The following ALKBH5 variants were observed in gnomAD, a reference collection of about 807,000 sequenced individuals.
ALKBH5 encodes the protein alkB homolog 5, RNA demethylase.
In ALKBH5, 2 loss-of-function variants were observed where a neutral mutation model predicts 32.1. That is an observed-to-expected ratio of 0.06 (90% CI 0.03 to 0.20). ALKBH5 has a LOEUF of 0.20. Ranked by LOEUF, ALKBH5 falls within the 10% of genes least tolerant of loss-of-function variation. The pLI, the probability that ALKBH5 is intolerant of heterozygous loss-of-function variation, is 1.00. For synonymous variants in ALKBH5, 300 were observed against 231.7 expected (o/e 1.29, Z -2.68); for missense variants, 352 against 559.5 (o/e 0.63, Z 3.74).
chr17:18,196,887 A>G (rs1597839252), intron 2 of ALKBH5, among the ~76,000 whole-genome samples: 1 of 152,218 alleles, frequency 6.6e-6, no homozygotes, highest in Non-Finnish European at 1.5e-5. Context: ...TCAATCATTT[A>G]TTTATATAAG....
intron 1 of ALKBH5, among the ~76,000 whole-genome samples, chr17:18,194,524 A>C (rs2047195261): frequency 6.6e-6 from 1 of 152,192 alleles, no homozygotes; most frequent in Non-Finnish European, 1.5e-5. Context: ...GACTTCATGT[A>C]GATATTCTAT....
chr17:18,196,738 T>C (rs1015147031), intron 2 of ALKBH5, among the ~76,000 whole-genome samples: 1 of 152,194 alleles, frequency 6.6e-6, no homozygotes, highest in Non-Finnish European at 1.5e-5. Flanking sequence ...GTCCATACTG[T>C]ACCCTTAGGA....
At chr17:18,192,838 C>T (rs2047184484) in intron 1 of ALKBH5, among the ~76,000 whole-genome samples, 2 of 150,236 alleles carry the variant, frequency 1.3e-5, no homozygotes, top group East Asian at 1.9e-4. Context: ...TGTAGACATT[C>T]GTCCACTGTC....
intron 1 of ALKBH5, 84 bp downstream of exon 1, chr17:18,185,097 G>A (rs2047130112): frequency 6.5e-6 from 10 of 1,528,354 alleles, no homozygotes; most frequent in South Asian, 2.5e-5. Context: ...GCCCGTAGGA[G>A]TCTGCGTTTT....
chr17:18,184,142 A>G lies in ALKBH5; in HGVS notation c.-102A>G, dbSNP rs2047119720. On this transcript the variant is annotated 5_prime_UTR_variant, in exon 1 of 4. The change abolishes the stop of an existing upstream ORF in the 5' untranslated region. Coordinates refer to ENST00000399138, the MANE Select transcript of ALKBH5 (RefSeq NM_017758.4). ...CACTCACGCATGGGGGTTCGGCGCTAAGGACCCCCCTCCCTCCGGGGGCCC... is the reference window on the plus strand; with the variant it reads ...CACTCACGCATGGGGGTTCGGCGCTGAGGACCCCCCTCCCTCCGGGGGCCC... 3.7e-6 allele frequency: 4 copies of G among 1,073,522 alleles called. No homozygotes were observed. Among genetic ancestry groups the G allele is most frequent in the Non-Finnish European group, 5.3e-6 (4 of 757,244 alleles). 66.5% of individuals were successfully genotyped at this position (1,073,522 alleles called of 1,614,324 possible).
rs1161756861 is a variant in ALKBH5, at chr17:18,208,463, G to C, written c.*67G>C. 5 of 1,579,320 alleles carry C rather than the reference G, an allele frequency of 3.2e-6. No homozygotes were observed. The highest frequency in any genetic ancestry group is 1.4e-5 in the African/African-American group (1 of 72,934). On this transcript the variant is annotated 3_prime_UTR_variant, in exon 4 of 4. Coordinates refer to ENST00000399138, the MANE Select transcript of ALKBH5 (RefSeq NM_017758.4). Reference sequence around the variant, plus strand: ...GTAGTTGCCCCTCCTTTTGTTTTGAGGGTTTTGTTTTTGTTCATTGGGGGG... The same window carrying C: ...GTAGTTGCCCCTCCTTTTGTTTTGACGGTTTTGTTTTTGTTCATTGGGGGG...
chr17:18,184,789 C>T lies in ALKBH5; in HGVS notation c.546C>T (p.Ile182=), dbSNP rs199625577. 4 of 1,614,062 alleles carry T rather than the reference C, an allele frequency of 2.5e-6. No homozygotes were observed. The highest frequency in any genetic ancestry group is 2.7e-5 in the African/African-American group (2 of 75,070). ...VIQKLVEHRV[I]PEGFVNSAVI... is the part of the protein sequence containing the mutation. ...AAAAGCTGGTGGAGCACCGCGTCAT[C>T]CCCGAGGGCTTCGTCAACAGCGCCG... is the stretch of plus-strand genomic sequence containing the variant. The change falls in exon 1 of 4, where the codon ATC becomes ATT. Residue 182 remains isoleucine, a synonymous_variant. Transcript: ENST00000399138.
chr17:18,200,877 A>AAAGC (rs1166606612), intron 2 of ALKBH5, among the ~76,000 whole-genome samples: 1 of 152,234 alleles, frequency 6.6e-6, no homozygotes, highest in African/African-American at 2.4e-5. Context: ...TAAGACAGCA[A>AAAGC]AAGCTTCACG....
Position 18,184,135 on chromosome 17 carries a change from C to T in ALKBH5, c.-109C>T. On this transcript the variant is annotated 5_prime_UTR_variant, in exon 1 of 4. Coordinates refer to ENST00000399138, the MANE Select transcript of ALKBH5 (RefSeq NM_017758.4). ...GGTCCCCCACTCACGCATGGGGGTTCGGCGCTAAGGACCCCCCTCCCTCCG... is the reference window on the plus strand; with the variant it reads ...GGTCCCCCACTCACGCATGGGGGTTTGGCGCTAAGGACCCCCCTCCCTCCG... 4 of 1,004,816 alleles carry T rather than the reference C, an allele frequency of 4.0e-6. No homozygotes were observed. The highest frequency in any genetic ancestry group is 5.8e-6 in the Non-Finnish European group (4 of 690,508). 62.2% of individuals were successfully genotyped at this position (1,004,816 alleles called of 1,614,324 possible). A position where few individuals can be genotyped will look rare whatever the true frequency, so the allele number is the denominator to read the frequency against.
At chr17:18,199,959 T>C (rs2047226522) in intron 2 of ALKBH5, among the ~76,000 whole-genome samples, 1 of 151,898 alleles carries the variant, frequency 6.6e-6, no homozygotes, top group South Asian at 2.1e-4. Context: ...TAGCTGGGCA[T>C]AGTGGCAGGT....
intron 2 of ALKBH5, among the ~76,000 whole-genome samples, chr17:18,195,401 CTG>C (rs981216734): frequency 3.9e-5 from 6 of 152,176 alleles, no homozygotes; most frequent in African/African-American, 1.4e-4. Context: ...TATTTTTAGA[CTG>C]TGCCTTTAGC....
chr17:18,200,955 G>T (rs1309789077), intron 2 of ALKBH5, among the ~76,000 whole-genome samples: 3 of 152,102 alleles, frequency 2.0e-5, no homozygotes, highest in Non-Finnish European at 2.9e-5. Context: ...TGAGGGATTT[G>T]CATGTGAGAG....
chr17:18,184,062 C>T lies in ALKBH5; in HGVS notation c.-182C>T. 1.5e-6 allele frequency: 1 copy of T among 682,854 alleles called. No individual in the cohort carries two copies. The highest frequency in any genetic ancestry group is 2.6e-6 in the Non-Finnish European group (1 of 379,490). 42.3% of individuals were successfully genotyped at this position (682,854 alleles called of 1,614,324 possible). A position where few individuals can be genotyped will look rare whatever the true frequency, so the allele number is the denominator to read the frequency against. ...TTGTCGCCACCGTTGCATGACCCGC[C>T]GCTCCTGAGGCCCTACCCCACGCCC... On this transcript the variant is annotated 5_prime_UTR_variant, in exon 1 of 4. Transcript: ENST00000399138.
Position 18,184,266 on chromosome 17 carries a change from C to T in ALKBH5, c.23C>T (p.Thr8Met), listed in dbSNP as rs1438823509. 10 of 1,521,976 alleles carry T rather than the reference C, an allele frequency of 6.6e-6. No homozygotes were observed. The African/African-American group carries it at 1.0e-4, about 15-fold the overall frequency. 94.3% of individuals were successfully genotyped at this position (1,521,976 alleles called of 1,614,324 possible). ...GCCATGGCGGCCGCCAGCGGCTACA[C>T]GGACCTGCGTGAGAAGCTCAAGTCC... MAAASGY[T>M]DLREKLKSMT... Residue 8 changes from threonine (T) to methionine (M), a missense_variant, in exon 1 of 4, where the codon ACG becomes ATG. Thr to Met is a moderately conservative substitution (Grantham distance 81, BLOSUM62 -1). Coordinates refer to ENST00000399138, the MANE Select transcript of ALKBH5 (RefSeq NM_017758.4).
chr17:18,188,591 G>T (rs2047154021), intron 1 of ALKBH5, among the ~76,000 whole-genome samples: 1 of 152,256 alleles, frequency 6.6e-6, no homozygotes, highest in Non-Finnish European at 1.5e-5. Context: ...ACTGGAGGGG[G>T]AGGAACCACA....
chr17:18,209,280 G>A lies in ALKBH5; in HGVS notation c.*884G>A. ...GGGGTATGGAAAATTGTTGTGGTGT[G>A]TGGTAGGGTTTTTGTTTTCTTTTTT... is the stretch of plus-strand genomic sequence containing the variant. On this transcript the variant is annotated 3_prime_UTR_variant, in exon 4 of 4. Coordinates refer to ENST00000399138, the MANE Select transcript of ALKBH5 (RefSeq NM_017758.4). 6.5e-6 allele frequency: 1 copy of A among 152,734 alleles called. No individual in the cohort carries two copies. The highest frequency in any genetic ancestry group is 1.9e-4 in the East Asian group (1 of 5,202). 9.5% of individuals were successfully genotyped at this position (152,734 alleles called of 1,614,324 possible). A position where few individuals can be genotyped will look rare whatever the true frequency, so the allele number is the denominator to read the frequency against.
At chr17:18,199,642 C>G (rs1329962208) in intron 2 of ALKBH5, among the ~76,000 whole-genome samples, 2 of 152,160 alleles carry the variant, frequency 1.3e-5, no homozygotes, top group Non-Finnish European at 2.9e-5. Context: ...AGGGAAACAT[C>G]AAGTATCTAC....
chr17:18,199,886 C>G (rs909984414), intron 2 of ALKBH5, among the ~76,000 whole-genome samples: 1 of 152,024 alleles, frequency 6.6e-6, no homozygotes, highest in African/African-American at 2.4e-5. Flanking sequence ...AGTTGGATCA[C>G]CTGAGGTCAG....
In ALKBH5 at chr17:18,184,747, G is replaced by A. The variant is rs1482874218; in HGVS notation, c.504G>A (p.Val168=). The A allele has an allele frequency of 6.2e-7, 1 of 1,613,618 alleles. No homozygotes were observed. Among genetic ancestry groups the A allele is most frequent in the Non-Finnish European group, 8.5e-7 (1 of 1,179,928 alleles). Residue 168 remains valine, a synonymous_variant, in exon 1 of 4, where the codon GTG becomes GTA. Coordinates refer to ENST00000399138, the MANE Select transcript of ALKBH5 (RefSeq NM_017758.4). ...ACGTGGACGAGATCCCCGAGTGGGT[G>A]CACCAGCTGGTGATCCAAAAGCTGG... ...PGDVDEIPEW[V]HQLVIQKLVE...
Sources: allele counts gnomAD v4.1 joint callset (sites outside exome capture counted in the v4.1 genomes callset), GRCh38; gene constraint gnomAD v4.1.1; transcripts MANE v1.5; gene names NCBI Gene and HGNC (gene_info 2026-07-23, HGNC 2026-07-21).